Variants in PIK3C2B observed in about 807,000 individuals in gnomAD.
PIK3C2B encodes the protein phosphatidylinositol 4-phosphate 3-kinase C2 domain-containing subunit beta.
In PIK3C2B, 83 loss-of-function variants were observed where a neutral mutation model predicts 184.3. The ratio of observed to expected loss-of-function variants is 0.45; its 90% CI spans 0.38 to 0.54. The LOEUF is 0.54. Among genes scored for constraint, PIK3C2B ranks in the 20% least tolerant of loss-of-function variants. The pLI is 0.00. For missense variants in PIK3C2B, 1,736 were observed against 2,113.5 expected, an observed-to-expected ratio of 0.82 and a Z score of 3.50; for synonymous variants, 779 against 837.6, an observed-to-expected ratio of 0.93 and a Z score of 1.21.
intron 5 of PIK3C2B, among the ~76,000 whole-genome samples, chr1:204,463,405 G>A (rs1655489604): frequency 6.6e-6 from 1 of 152,200 alleles, no homozygotes; most frequent in Non-Finnish European, 1.5e-5. Context: ...GCCCAGGGTA[G>A]TGGAAAGGGG....
Position 204,425,741 on chromosome 1 carries a change from G to T in PIK3C2B, c.4588C>A (p.Gln1530Lys), listed in dbSNP as rs780621835. The T allele has an allele frequency of 6.2e-7, 1 of 1,611,796 alleles. No individual in the cohort carries two copies. Among genetic ancestry groups the T allele is most frequent in the Non-Finnish European group, 8.5e-7 (1 of 1,179,410 alleles). Reference sequence around the variant, plus strand: ...GGGTCATTTCCATCCTGGAGCAGTTGCTACAATAGAATGAGAACCAAAAAA... The same window carrying T: ...GGGTCATTTCCATCCTGGAGCAGTTTCTACAATAGAATGAGAACCAAAAAA... Reference protein sequence around the residue: ...FIMVMHIRGLQLLQDGNDPDP... With the variant: ...FIMVMHIRGLKLLQDGNDPDP... The change falls in exon 32 of 33, where the codon CAA becomes AAA. Residue 1530 changes from glutamine to lysine, a missense_variant and splice_region_variant. By Grantham distance (53) the Gln-to-Lys change is moderately conservative. Transcript: ENST00000684373.
At position 204,434,531 on chromosome 1, in the gene PIK3C2B, A is replaced by G. The variant is rs3747636; in HGVS notation, c.3594T>C (p.Asn1198=). 0.25 allele frequency: 411,018 copies of G among 1,613,574 alleles called. 58,155 individuals are homozygous for G. The highest frequency in any genetic ancestry group is 0.52 in the East Asian group (23,219 of 44,842). The change falls in exon 24 of 33, where the codon AAT becomes AAC. Residue 1198 remains asparagine, a synonymous_variant. Transcript: ENST00000684373. The stretch of plus-strand genomic sequence containing the variant: ...CAGTGGTCTTCAGCATGATGTTGTC[A>G]TTATGTCGGTCACAGATGCCCAAGA... ...TYVLGICDRH[N]DNIMLKTTGH...
chr1:204,432,375 A>G lies in PIK3C2B; in HGVS notation c.3980T>C (p.Val1327Ala). ...GATGAAAAAATTGAGCTTTGTGGCT[A>G]CACTGCCCAGGCTGGACTCAATCAA... Reference protein sequence around the residue: ...TRLIESSLGSVATKLNFFIHN... With the variant: ...TRLIESSLGSAATKLNFFIHN... Residue 1327 changes from valine (V) to alanine (A), a missense_variant, in exon 27 of 33, where the codon GTA becomes GCA. Coordinates refer to ENST00000684373, the MANE Select transcript of PIK3C2B (RefSeq NM_001377334.1). 1 of 1,614,158 alleles carries G rather than the reference A, an allele frequency of 6.2e-7. No homozygotes were observed. The highest frequency in any genetic ancestry group is 8.5e-7 in the Non-Finnish European group (1 of 1,180,016).
rs1436697831 is a variant in PIK3C2B, at chr1:204,454,701, C to A, written c.2034G>T (p.Lys678Asn). The change falls in exon 12 of 33, where the codon AAG becomes AAT. Residue 678 changes from lysine to asparagine, a missense_variant. By Grantham distance (94) the Lys-to-Asn change is moderately conservative. Around this residue, in one of 8 missense-constraint regions of PIK3C2B, gnomAD observed 609 missense variants for 699.2 expected, o/e 0.87. Transcript: ENST00000684373. ...PLQTRRAHFSKYLFHLIVWDQ... is the reference protein window; with the variant it reads ...PLQTRRAHFSNYLFHLIVWDQ... ...CCCAGACGATGAGGTGGAAGAGGTA[C>A]TTGGAGAAGTGAGCTCTTCGGGTCT... is the stretch of plus-strand genomic sequence containing the variant. 1 of 1,613,278 alleles carries A rather than the reference C, an allele frequency of 6.2e-7. No homozygotes were observed. The highest frequency in any genetic ancestry group is 2.2e-5 in the East Asian group (1 of 44,884).
intron 12 of PIK3C2B, among the ~76,000 whole-genome samples, chr1:204,451,677 G>C (rs1260671018): frequency 6.6e-6 from 1 of 152,194 alleles, no homozygotes; most frequent in Non-Finnish European, 1.5e-5. Flanking sequence ...GGGGAACATA[G>C]CTTCACTTGC....
intron 1 of PIK3C2B, among the ~76,000 whole-genome samples, chr1:204,478,374 A>G (rs1455180534): frequency 1.3e-5 from 2 of 151,990 alleles, no homozygotes; most frequent in Non-Finnish European, 2.9e-5. Context: ...GAACATCAAC[A>G]CACTGCCAGG....
intron 1 of PIK3C2B, among the ~76,000 whole-genome samples, chr1:204,492,569 C>T (rs770367969): frequency 1.3e-5 from 2 of 152,094 alleles, no homozygotes; most frequent in African/African-American, 2.4e-5. Flanking sequence ...CACCACCAAG[C>T]GGGGACCAAA....
At chr1:204,490,690 G>A (rs562571755) in intron 1 of PIK3C2B, among the ~76,000 whole-genome samples, 4 of 151,966 alleles carry the variant, frequency 2.6e-5, no homozygotes, top group East Asian at 3.9e-4. Context: ...TTGGGAGGCC[G>A]AGGTGGGAGG....
intron 1 of PIK3C2B, among the ~76,000 whole-genome samples, chr1:204,474,579 T>G (rs1043508278): frequency 1.3e-5 from 2 of 152,128 alleles, no homozygotes; most frequent in Non-Finnish European, 2.9e-5. Flanking sequence ...GATATTTTTT[T>G]CTTGTTCTCC....
chr1:204,425,914 A>G (rs1388785108), intron 31 of PIK3C2B, among the ~76,000 whole-genome samples, 173 bp from the exon 32 acceptor site: 2 of 152,222 alleles, frequency 1.3e-5, no homozygotes, highest in Non-Finnish European at 2.9e-5. Context: ...AAAAATATCT[A>G]CCATGATAAC....
At position 204,469,670 on chromosome 1, in the gene PIK3C2B, CCTT is replaced by C. The variant is rs747669268; in HGVS notation, c.130_132del (p.Lys44del). 25 of 1,613,926 alleles carry C rather than the reference CCTT, an allele frequency of 1.5e-5. No individual in the cohort carries two copies. Among genetic ancestry groups the C allele is most frequent in the Admixed American group, 1.3e-4 (8 of 59,994 alleles). ...GCGTTCTGCTTGGCTCTGTTCTCCT[CCTT>C]GTCATGCCGGAGCCGGGACAGGGCA... is the stretch of plus-strand genomic sequence containing the variant. On this transcript the variant is annotated inframe_deletion, in exon 2 of 33. Coordinates refer to ENST00000684373, the MANE Select transcript of PIK3C2B (RefSeq NM_001377334.1).
At chr1:204,450,126 C>G in intron 12 of PIK3C2B, 109 bp from the exon 13 acceptor site, 14 of 941,196 alleles carry the variant, frequency 1.5e-5, no homozygotes, top group Non-Finnish European at 2.0e-5. Context: ...GCCTCCCTCT[C>G]AGGGTTCAGA....
rs1290819149 is a variant in PIK3C2B, at chr1:204,447,104, G to A, written c.2489+332C>T. ...CAGGAGGTGAGAGCAAGAGGTGGGG[G>A]CAGGGTGGTGGGGCCAGCTGCCCCA... On this transcript the variant is annotated intron_variant, in intron 15 of 32. Coordinates refer to ENST00000684373, the MANE Select transcript of PIK3C2B (RefSeq NM_001377334.1). This position sits in a 1 kb window ranked among gnomAD's most constrained non-coding sequence, Gnocchi z 4.1. Among the ~76,000 whole-genome samples, 1 of 151,536 alleles carries A rather than the reference G, an allele frequency of 6.6e-6. No individual in the cohort carries two copies. The highest frequency in any genetic ancestry group is 2.4e-5 in the African/African-American group (1 of 41,184).
At chr1:204,466,095 G>T (rs780112329) in intron 2 of PIK3C2B, among the ~76,000 whole-genome samples, 1 of 152,186 alleles carries the variant, frequency 6.6e-6, no homozygotes, top group Non-Finnish European at 1.5e-5. Flanking sequence ...AGTCACCCAG[G>T]AGGGTTCCTA....
rs1653663027 is a variant in PIK3C2B at position 204,444,348 on chromosome 1, G to A, written c.2755C>T (p.Leu919=). The A allele has an allele frequency of 1.2e-6, 2 of 1,613,612 alleles. No individual in the cohort carries two copies. Among genetic ancestry groups the A allele is most frequent in the Non-Finnish European group, 1.7e-6 (2 of 1,179,546 alleles). The part of the protein sequence containing the change: ...SLSDAELLDY[L]PQLVQALKYE... ...CCACCCACCTGTACCAGCTGGGGCAGGTAGTCTAGCAGCTCAGCATCTGAG... is the reference window on the plus strand; with the variant it reads ...CCACCCACCTGTACCAGCTGGGGCAAGTAGTCTAGCAGCTCAGCATCTGAG... The change falls in exon 17 of 33, where the codon CTG becomes TTG. Residue 919 remains leucine (L), a synonymous_variant. Coordinates refer to ENST00000684373, the MANE Select transcript of PIK3C2B (RefSeq NM_001377334.1).
At chr1:204,426,363 C>T (rs887640490) in intron 31 of PIK3C2B, among the ~76,000 whole-genome samples, 1 of 152,360 alleles carries the variant, frequency 6.6e-6, no homozygotes, top group African/African-American at 2.4e-5. Flanking sequence ...GTTTCTGACG[C>T]ACCCCTGGCA....
chr1:204,457,856 C>A lies in PIK3C2B; in HGVS notation c.1585G>T (p.Ala529Ser), dbSNP rs1316858734. 6.2e-7 allele frequency: 1 copy of A among 1,612,998 alleles called. No individual in the cohort carries two copies. Among genetic ancestry groups the A allele is most frequent in the African/African-American group, 1.3e-5 (1 of 74,996 alleles). Residue 529 changes from alanine to serine, a missense_variant, in exon 9 of 33, where the codon GCT becomes TCT. Ala to Ser is a moderately conservative substitution (Grantham distance 99). Around this residue, in one of 8 missense-constraint regions of PIK3C2B, gnomAD observed 609 missense variants for 699.2 expected, o/e 0.87. Transcript: ENST00000684373. Reference protein sequence around the residue: ...LLADGDFPLKADRVVQSVKAI... With the variant: ...LLADGDFPLKSDRVVQSVKAI... The stretch of plus-strand genomic sequence containing the variant: ...TTGACGGACTGGACCACCCTGTCAG[C>A]CTTCAGTGGGAAGTCTCCCTGTGGG...
At chr1:204,456,941 A>C in intron 10 of PIK3C2B, 96 bp downstream of exon 10, 1 of 988,590 alleles carries the variant, frequency 1.0e-6, no homozygotes. Context: ...GAACTCCGAC[A>C]CATAAATCAA....
chr1:204,460,044 T>C, intron 7 of PIK3C2B, 103 bp from the exon 8 acceptor site: 1 of 885,460 alleles, frequency 1.1e-6, no homozygotes, highest in Middle Eastern at 2.2e-4. Context: ...ACACTCTGAT[T>C]TAAAGGAGTT....
Sources: allele counts gnomAD v4.1 joint callset (sites outside exome capture counted in the v4.1 genomes callset), GRCh38; gene constraint gnomAD v4.1.1; regional missense constraint gnomAD v4.1.1; non-coding constraint Gnocchi (gnomAD v3.1); transcripts MANE v1.5; gene names NCBI Gene and HGNC (gene_info 2026-07-23, HGNC 2026-07-21).